The following GRIK2 variants were observed in gnomAD, a reference collection of about 807,000 sequenced individuals.
GRIK2 encodes the protein glutamate ionotropic receptor kainate type subunit 2.
A neutral mutation model predicts 100.3 loss-of-function variants in GRIK2; 32 were observed. The ratio of observed to expected loss-of-function variants is 0.32; its 90% CI spans 0.24 to 0.43. The LOEUF (loss-of-function observed/expected upper bound fraction) is 0.43. Ranked by LOEUF, GRIK2 falls within the 20% of genes least tolerant of loss-of-function variation. The pLI is 1.00. For missense variants in GRIK2, 843 were observed against 1,114.9 expected, an observed-to-expected ratio of 0.76 and a Z score of 3.47; for synonymous variants, 417 against 389.4, an observed-to-expected ratio of 1.07 and a Z score of -0.83.
chr6:101,398,811 C>G (rs530842909), intron 1 of GRIK2, 174 bp from the exon 2 acceptor site: 1 of 389,462 alleles, frequency 2.6e-6, no homozygotes, highest in African/African-American at 2.1e-5. Flanking sequence ...CTCAGTCTTT[C>G]TCACTTAATC....
At chr6:101,797,269 T>A (rs1323557272) in intron 7 of GRIK2, among the ~76,000 whole-genome samples, 2 of 149,190 alleles carry the variant, frequency 1.3e-5, no homozygotes, top group African/African-American at 4.9e-5. Flanking sequence ...AAAATTTTAC[T>A]CATGATTAAT....
chr6:101,791,015 C>T (rs1190603423), intron 7 of GRIK2, among the ~76,000 whole-genome samples: 3 of 152,150 alleles, frequency 2.0e-5, no homozygotes, highest in Non-Finnish European at 2.9e-5. Context: ...GTAGTATTCT[C>T]TGATGGTAGT....
chr6:101,760,986 A>T (rs183186553), intron 7 of GRIK2, among the ~76,000 whole-genome samples: 1 of 152,124 alleles, frequency 6.6e-6, no homozygotes, highest in African/African-American at 2.4e-5. Context: ...GTCAGCTCTT[A>T]GTTGATGGAC....
chr6:101,449,341 G>T (rs1770544100), intron 2 of GRIK2, among the ~76,000 whole-genome samples: 1 of 151,378 alleles, frequency 6.6e-6, no homozygotes. Context: ...TTACTTTATA[G>T]CTGAAATCGA....
At chr6:101,520,155 C>T (rs956251470) in intron 2 of GRIK2, among the ~76,000 whole-genome samples, 1 of 127,844 alleles carries the variant, frequency 7.8e-6, no homozygotes, top group African/African-American at 3.5e-5. Context: ...TAATCAATTA[C>T]ATGATAAATC....
At chr6:101,686,089 TAA>T in intron 6 of GRIK2, 89 bp from the exon 7 acceptor site, 1 of 1,030,328 alleles carries the variant, frequency 9.7e-7, no homozygotes, top group Non-Finnish European at 1.4e-6. Flanking sequence ...TTAAGTGACC[TAA>T]AAAAAACAAA....
intron 14 of GRIK2, among the ~76,000 whole-genome samples, chr6:101,936,224 A>C (rs752306552): frequency 3.3e-5 from 5 of 152,004 alleles, no homozygotes; most frequent in Non-Finnish European, 7.4e-5. Context: ...TCCATCAGAC[A>C]TTTTTTTCTA....
At chr6:101,655,800 G>T (rs1045082849) in intron 4 of GRIK2, among the ~76,000 whole-genome samples, 4 of 152,106 alleles carry the variant, frequency 2.6e-5, no homozygotes, top group Non-Finnish European at 4.4e-5. Flanking sequence ...ATGGGAAGGG[G>T]TGCTAACTAG....
chr6:101,735,812 C>T (rs548153360), intron 7 of GRIK2, among the ~76,000 whole-genome samples: 16 of 152,180 alleles, frequency 1.1e-4, no homozygotes, highest in Non-Finnish European at 2.1e-4. Context: ...GCCTTCCCAA[C>T]AGTCCCTCAA....
At chr6:101,651,810 C>G (rs1205817601) in intron 4 of GRIK2, among the ~76,000 whole-genome samples, 1 of 151,968 alleles carries the variant, frequency 6.6e-6, no homozygotes, top group African/African-American at 2.4e-5. Flanking sequence ...GTCTGAAGAT[C>G]CAGTAGGGTC....
chr6:101,898,430 T>TA (rs1331158892), intron 12 of GRIK2, among the ~76,000 whole-genome samples: 3 of 151,988 alleles, frequency 2.0e-5, no homozygotes, highest in Non-Finnish European at 4.4e-5. Flanking sequence ...TAAATATTTT[T>TA]ACTACATGTT....
chr6:101,531,225 C>T (rs1370406904), intron 2 of GRIK2, among the ~76,000 whole-genome samples: 1 of 151,922 alleles, frequency 6.6e-6, no homozygotes, highest in Non-Finnish European at 1.5e-5. Flanking sequence ...AAATTGAAGA[C>T]TCCTCCATAG....
intron 12 of GRIK2, among the ~76,000 whole-genome samples, chr6:101,915,601 A>G (rs1421655335): frequency 2.6e-5 from 4 of 151,386 alleles, no homozygotes; most frequent in Admixed American, 2.0e-4. Flanking sequence ...AACTGCACAG[A>G]CGAAACTTCA....
At chr6:101,450,895 T>C (rs548817057) in intron 2 of GRIK2, among the ~76,000 whole-genome samples, 1 of 151,864 alleles carries the variant, frequency 6.6e-6, no homozygotes, top group South Asian at 2.1e-4. Flanking sequence ...ACTGGTGTGA[T>C]ATTTGGTGAA....
chr6:102,032,222 TG>T (rs1021446933), intron 14 of GRIK2, among the ~76,000 whole-genome samples: 10 of 151,210 alleles, frequency 6.6e-5, no homozygotes, highest in African/African-American at 2.2e-4. Context: ...CCTCCTTCCT[TG>T]ATGATTACCT....
chr6:101,771,116 C>T (rs925219016), intron 7 of GRIK2, among the ~76,000 whole-genome samples: 8 of 151,988 alleles, frequency 5.3e-5, no homozygotes, highest in African/African-American at 1.9e-4. Flanking sequence ...TATCACTTTG[C>T]CTTGAAGAAA....
chr6:101,928,522 C>A lies in GRIK2; in HGVS notation c.1975C>A (p.Leu659Met). The change falls in exon 14 of 17, where the codon CTG becomes ATG. Residue 659 changes from leucine to methionine, a missense_variant. Around this residue, in one of 3 missense-constraint regions of GRIK2, gnomAD observed 237 missense variants for 388.0 expected, o/e 0.61. Coordinates refer to ENST00000369134, the MANE Select transcript of GRIK2 (RefSeq NM_021956.5). ...GTATACTGCTAACTTAGCCGCCTTT[C>A]TGACAGTGGAACGCATGGAATCCCC... is the stretch of plus-strand genomic sequence containing the variant. ...SSYTANLAAFLTVERMESPID... is the reference protein window; with the variant it reads ...SSYTANLAAFMTVERMESPID... The A allele has an allele frequency of 6.2e-7, 1 of 1,604,842 alleles. No individual in the cohort carries two copies. Among genetic ancestry groups the A allele is most frequent in the Non-Finnish European group, 8.5e-7 (1 of 1,171,598 alleles).
intron 15 of GRIK2, among the ~76,000 whole-genome samples, chr6:102,051,501 A>C (rs1213946006): frequency 6.6e-6 from 1 of 152,172 alleles, no homozygotes; most frequent in Non-Finnish European, 1.5e-5. Context: ...TGAAGATTCA[A>C]GGCCTAATTT....
chr6:101,566,775 A>G lies in GRIK2; in HGVS notation c.116-55174A>G, dbSNP rs941865869. Among the ~76,000 whole-genome samples, 4 of 150,046 alleles carry G rather than the reference A, an allele frequency of 2.7e-5. No individual in the cohort carries two copies. The East Asian group carries it at 5.8e-4, about 22-fold the overall frequency. On this transcript the variant is annotated intron_variant, in intron 2 of 16. Coordinates refer to ENST00000369134, the MANE Select transcript of GRIK2 (RefSeq NM_021956.5). ...ATATAAATTTTTATATAATAGACAT[A>G]TGTATGCCTATTATATATAATATAA...
Sources: allele counts gnomAD v4.1 joint callset (sites outside exome capture counted in the v4.1 genomes callset), GRCh38; gene constraint gnomAD v4.1.1; regional missense constraint gnomAD v4.1.1; transcripts MANE v1.5; gene names NCBI Gene and HGNC (gene_info 2026-07-23, HGNC 2026-07-21).